Variants in RPRD1B observed in about 807,000 individuals in gnomAD.
RPRD1B encodes regulation of nuclear pre-mRNA domain-containing protein 1B.
In RPRD1B, 11 loss-of-function variants were observed where a neutral mutation model predicts 41.5. The ratio of observed to expected loss-of-function variants is 0.27; its 90% CI spans 0.17 to 0.44. RPRD1B has a LOEUF of 0.44. Among genes scored for constraint, RPRD1B ranks in the 20% least tolerant of loss-of-function variants. RPRD1B has a pLI of 1.00. For synonymous variants in RPRD1B, 158 were observed against 155.6 expected (o/e 1.02, Z -0.12); for missense variants, 248 against 389.9 (o/e 0.64, Z 3.06).
Position 38,092,076 on chromosome 20 carries a change from G to A in RPRD1B, c.*2201G>A. ...TTTAAATGAACTTTCCTCCTTGTAT[G>A]TATGAGGTGACTTGGTGGGTGGGGT... On this transcript the variant is annotated 3_prime_UTR_variant, in exon 7 of 7. Transcript: ENST00000373433. The A allele has an allele frequency of 4.1e-6, 4 of 985,758 alleles. No homozygotes were observed. The highest frequency in any genetic ancestry group is 3.6e-6 in the Non-Finnish European group (3 of 829,928). 61.1% of individuals were successfully genotyped at this position (985,758 alleles called of 1,614,324 possible).
intron 6 of RPRD1B, among the ~76,000 whole-genome samples, chr20:38,087,294 A>T (rs149531843): frequency 2.8e-3 from 421 of 152,284 alleles, no homozygotes; most frequent in Non-Finnish European, 4.5e-3. Context: ...CCTAGGAGAG[A>T]GTTAGTTGAA....
At chr20:38,045,371 A>G (rs1027141106) in intron 2 of RPRD1B, among the ~76,000 whole-genome samples, 3 of 152,184 alleles carry the variant, frequency 2.0e-5, no homozygotes, top group African/African-American at 4.8e-5. Context: ...AGTGACTTCC[A>G]TTTCGCTGGA....
intron 3 of RPRD1B, among the ~76,000 whole-genome samples, chr20:38,052,371 G>A (rs1410482271): frequency 9.2e-5 from 14 of 152,152 alleles, no homozygotes; most frequent in Non-Finnish European, 1.3e-4. Flanking sequence ...TGAGTTCTAG[G>A]CACAACTTCC....
intron 1 of RPRD1B, among the ~76,000 whole-genome samples, chr20:38,037,001 A>G (rs577026333): frequency 1.3e-5 from 2 of 152,292 alleles, no homozygotes; most frequent in African/African-American, 4.8e-5. Flanking sequence ...ATGAACTGAA[A>G]ATGCCCCCAC....
At position 38,071,517 on chromosome 20, in the gene RPRD1B, T is replaced by G. The variant is rs79958595; in HGVS notation, c.831+5261T>G. The stretch of plus-strand genomic sequence containing the variant: ...AAACAGTCATGTGGAGGTTTTTGTG[T>G]GGCCATATCTTTTCATTTCTCTTGG... On this transcript the variant is annotated intron_variant, in intron 6 of 6. Transcript: ENST00000373433. 3.1e-3 allele frequency among the ~76,000 whole-genome samples: 475 copies of G among 152,310 alleles called. 1 individual carries two copies. Among genetic ancestry groups the G allele is most frequent in the African/African-American group, 0.011 (449 of 41,556 alleles).
rs73905534 is a variant in RPRD1B at position 38,040,660 on chromosome 20, C to T, written c.281+96C>T. On this transcript the variant is annotated intron_variant, in intron 2 of 6. Coordinates refer to ENST00000373433, the MANE Select transcript of RPRD1B (RefSeq NM_021215.4). ...TGTGATAGCCTTTGTAAATTGACAA[C>T]TTCCTACTTTACAGAGAGTTGTGGA... 14,049 of 1,351,638 alleles carry T rather than the reference C, an allele frequency of 0.01. 800 individuals carry two copies. The African/African-American group carries it at 0.15, about 14-fold the overall frequency. The allele number at this position is 1,351,638 out of a possible 1,614,324, so 83.7% of individuals were successfully genotyped here.
At position 38,090,168 on chromosome 20, in the gene RPRD1B, ATAC is replaced by A. The variant is rs2074600820; in HGVS notation, c.*294_*296del. The stretch of plus-strand genomic sequence containing the variant: ...GTTTTCCATTCTTAACTGTCTCCTT[ATAC>A]CTAAGAAGTTATGAAAATCATGTGT... On this transcript the variant is annotated 3_prime_UTR_variant, in exon 7 of 7. Transcript: ENST00000373433. 5.5e-6 allele frequency: 6 copies of A among 1,089,684 alleles called. No homozygotes were observed. Among genetic ancestry groups the A allele is most frequent in the Non-Finnish European group, 6.7e-6 (6 of 895,964 alleles). The allele number at this position is 1,089,684 out of a possible 1,614,324, so 67.5% of individuals were successfully genotyped here. A position where few individuals can be genotyped will look rare whatever the true frequency, so the allele number is the denominator to read the frequency against.
At chr20:38,074,750 TTTTG>T (rs2074443243) in intron 6 of RPRD1B, among the ~76,000 whole-genome samples, 1 of 152,232 alleles carries the variant, frequency 6.6e-6, no homozygotes, top group Admixed American at 6.5e-5. Flanking sequence ...GGGTTTTTGT[TTTTG>T]TTTTTGTTTT....
chr20:38,057,138 T>C (rs551921008), intron 3 of RPRD1B, among the ~76,000 whole-genome samples: 2 of 152,328 alleles, frequency 1.3e-5, no homozygotes, highest in South Asian at 2.1e-4. Context: ...TCTCCTGTTT[T>C]CTGAAATGAT....
At chr20:38,056,651 C>A (rs908344471) in intron 3 of RPRD1B, among the ~76,000 whole-genome samples, 1 of 152,112 alleles carries the variant, frequency 6.6e-6, no homozygotes, top group Admixed American at 6.5e-5. Context: ...GGAGTCATAC[C>A]GTAAGTGTGT....
At chr20:38,053,766 G>A (rs1392907622) in intron 3 of RPRD1B, among the ~76,000 whole-genome samples, 4 of 151,834 alleles carry the variant, frequency 2.6e-5, no homozygotes, top group African/African-American at 7.3e-5. Context: ...ATATATTTTG[G>A]GTAAAAATAA....
chr20:38,091,381 T>C lies in RPRD1B; in HGVS notation c.*1506T>C. The C allele has an allele frequency of 1.0e-6, 1 of 985,482 alleles. No homozygotes were observed. The highest frequency in any genetic ancestry group is 1.2e-6 in the Non-Finnish European group (1 of 829,900). The allele number at this position is 985,482 out of a possible 1,614,324, so 61.0% of individuals were successfully genotyped here. ...GCTTCCCTTCCAGAAGCTCTCCTGC[T>C]TGTCATGAAGTGAGAACAATGAAAA... is the stretch of plus-strand genomic sequence containing the variant. On this transcript the variant is annotated 3_prime_UTR_variant, in exon 7 of 7. Transcript: ENST00000373433.
At chr20:38,070,322 T>C (rs773099266) in intron 6 of RPRD1B, 46 of 985,286 alleles carry the variant, frequency 4.7e-5, no homozygotes, top group Non-Finnish European at 5.3e-5. Context: ...GTTTTTGTCA[T>C]GAACATGAGA....
At chr20:38,079,475 C>T (rs2074494521) in intron 6 of RPRD1B, among the ~76,000 whole-genome samples, 1 of 152,154 alleles carries the variant, frequency 6.6e-6, no homozygotes, top group African/African-American at 2.4e-5. Context: ...CATGTGTTCT[C>T]AATGTTTAGC....
At chr20:38,081,451 G>A (rs2074511824) in intron 6 of RPRD1B, among the ~76,000 whole-genome samples, 1 of 152,172 alleles carries the variant, frequency 6.6e-6, no homozygotes, top group Admixed American at 6.5e-5. Flanking sequence ...GAGCCTTTGG[G>A]TAGACATTAT....
At chr20:38,055,525 A>G (rs747521663) in intron 3 of RPRD1B, among the ~76,000 whole-genome samples, 4 of 151,332 alleles carry the variant, frequency 2.6e-5, no homozygotes, top group Non-Finnish European at 4.4e-5. Context: ...CTTCATTGCT[A>G]AGTTGGCCTC....
intron 3 of RPRD1B, among the ~76,000 whole-genome samples, chr20:38,054,634 C>G (rs2074221485): frequency 6.6e-6 from 1 of 152,054 alleles, no homozygotes; most frequent in Admixed American, 6.6e-5. Context: ...CCTCCCAGTG[C>G]CAAAATTCAG....
rs770296643 is a variant in RPRD1B, at chr20:38,059,537, TG to T, written c.655+20del. The T allele has an allele frequency of 7.6e-5, 122 of 1,613,020 alleles. No homozygotes were observed. The highest frequency in any genetic ancestry group is 9.9e-5 in the Non-Finnish European group (117 of 1,179,404). On this transcript the variant is annotated intron_variant, in intron 5 of 6. Coordinates refer to ENST00000373433, the MANE Select transcript of RPRD1B (RefSeq NM_021215.4). Reference sequence around the variant, plus strand: ...AAATAACAGGTGAGAAGGTAGAGTTTGGGTGAAAGGTGAGGAGAGAGGGACA... The same window carrying T: ...AAATAACAGGTGAGAAGGTAGAGTTTGGTGAAAGGTGAGGAGAGAGGGACA...
At chr20:38,088,230 G>A (rs2074580242) in intron 6 of RPRD1B, among the ~76,000 whole-genome samples, 1 of 152,166 alleles carries the variant, frequency 6.6e-6, no homozygotes, top group Non-Finnish European at 1.5e-5. Context: ...CTTGAACTAA[G>A]TATTCTCCAT....
Sources: gnomAD v4.1 joint callset for allele counts (sites outside exome capture counted in the v4.1 genomes callset) on GRCh38, gnomAD v4.1.1 for gene constraint, MANE v1.5 for transcripts, NCBI Gene and HGNC (gene_info 2026-07-23, HGNC 2026-07-21) for gene names.